SUGCT: variants seen among roughly 807,000 people sequenced by gnomAD.
The protein encoded by SUGCT is succinyl-CoA:glutarate CoA-transferase.
SUGCT carries 41 observed loss-of-function variants against 55.0 expected under a neutral mutation model. That is an observed-to-expected ratio of 0.74 (90% CI 0.58 to 0.97). The LOEUF is 0.97. Among genes scored for constraint, SUGCT ranks in the 50% least tolerant of loss-of-function variants. The pLI is 0.00. For missense variants in SUGCT, 568 were observed against 547.8 expected (o/e 1.04, Z -0.37); for synonymous variants, 187 against 200.4 (o/e 0.93, Z 0.56).
intron 1 of SUGCT, chr7:40,141,937 G>T (rs542841894): frequency 2.8e-4 from 78 of 279,070 alleles, no homozygotes; most frequent in South Asian, 2.7e-3. Context: ...TGGCCCCGCT[G>T]CTGTGTCATT....
chr7:40,260,090 A>G (rs1021173470), intron 7 of SUGCT, among the ~76,000 whole-genome samples: 4 of 152,118 alleles, frequency 2.6e-5, no homozygotes, highest in African/African-American at 7.2e-5. Flanking sequence ...CTGAATCTGA[A>G]TTTTTCTTGC....
At chr7:40,749,576 G>A (rs975074274) in intron 13 of SUGCT, 79 bp downstream of exon 13, 17 of 1,164,480 alleles carry the variant, frequency 1.5e-5, no homozygotes, top group Non-Finnish European at 2.2e-5. Context: ...GGTAGCTTAT[G>A]AGCTCCCAAA....
intron 6 of SUGCT, among the ~76,000 whole-genome samples, chr7:40,224,335 G>T (rs1168422333): frequency 1.3e-5 from 2 of 151,114 alleles, no homozygotes; most frequent in African/African-American, 4.9e-5. Flanking sequence ...AGTCTGTGTG[G>T]TTTATAATAG....
the SUGCT span, among the ~76,000 whole-genome samples, chr7:40,914,141 C>T: frequency 6.6e-6 from 1 of 151,596 alleles, no homozygotes; most frequent in Non-Finnish European, 1.5e-5. Context: ...GGGATTTTCC[C>T]CTTCCCCTCT....
At chr7:40,396,750 GA>G (rs746414231) in intron 9 of SUGCT, among the ~76,000 whole-genome samples, 1 of 152,152 alleles carries the variant, frequency 6.6e-6, no homozygotes, top group Non-Finnish European at 1.5e-5. Context: ...ACCTGTTGAA[GA>G]GAGTATTAAG....
chr7:40,196,590 T>G (rs1271568755), intron 6 of SUGCT, among the ~76,000 whole-genome samples: 1 of 152,092 alleles, frequency 6.6e-6, no homozygotes, highest in African/African-American at 2.4e-5. Context: ...TATGGTGACA[T>G]TTGAGTAGAG....
At chr7:40,911,144 A>G in the SUGCT span, among the ~76,000 whole-genome samples, 2 of 152,166 alleles carry the variant, frequency 1.3e-5, no homozygotes, top group Non-Finnish European at 1.5e-5. Flanking sequence ...GCCATGAGTG[A>G]CTTTCCTGAT....
At chr7:40,144,904 C>T (rs1788165574) in intron 1 of SUGCT, among the ~76,000 whole-genome samples, 1 of 152,118 alleles carries the variant, frequency 6.6e-6, no homozygotes, top group South Asian at 2.1e-4. Context: ...TAGTGATAAA[C>T]TTAATTTTAA....
chr7:40,375,718 A>ATTCTT (rs66691737), intron 9 of SUGCT, among the ~76,000 whole-genome samples: 3 of 151,944 alleles, frequency 2.0e-5, no homozygotes, highest in Non-Finnish European at 4.4e-5. Flanking sequence ...TCAATTTATA[A>ATTCTT]TTGTCTTAAA....
At chr7:40,169,011 A>G (rs1315447834) in intron 1 of SUGCT, among the ~76,000 whole-genome samples, 2 of 152,130 alleles carry the variant, frequency 1.3e-5, no homozygotes, top group African/African-American at 4.8e-5. Flanking sequence ...ACAGCCAATA[A>G]TAATCTCCTA....
intron 12 of SUGCT, among the ~76,000 whole-genome samples, chr7:40,547,205 G>A (rs906091766): frequency 6.6e-6 from 1 of 152,104 alleles, no homozygotes; most frequent in Admixed American, 6.5e-5. Flanking sequence ...CTCAAACAGC[G>A]AGGCAAGCAA....
chr7:40,552,417 G>A (rs1795346130), intron 12 of SUGCT, among the ~76,000 whole-genome samples: 1 of 152,026 alleles, frequency 6.6e-6, no homozygotes, highest in African/African-American at 2.4e-5. Context: ...TGCACTCTCT[G>A]AGCCTGGAGC....
At chr7:40,883,307 C>A in the SUGCT span, among the ~76,000 whole-genome samples, 1 of 152,172 alleles carries the variant, frequency 6.6e-6, no homozygotes, top group Non-Finnish European at 1.5e-5. Context: ...TTCTTTATTC[C>A]TACAGTCTAC....
At chr7:40,698,241 A>G (rs1323333963) in intron 12 of SUGCT, among the ~76,000 whole-genome samples, 1 of 152,212 alleles carries the variant, frequency 6.6e-6, no homozygotes, top group Non-Finnish European at 1.5e-5. Flanking sequence ...ATGCAGGTGA[A>G]TGTCTCAGGT....
chr7:40,556,344 T>C (rs2151650755), intron 12 of SUGCT, among the ~76,000 whole-genome samples: 1 of 151,854 alleles, frequency 6.6e-6, no homozygotes, highest in South Asian at 2.1e-4. Flanking sequence ...GCCCTGCTTC[T>C]TGCCTTGAGG....
chr7:40,222,373 G>A (rs1788066751), intron 6 of SUGCT, among the ~76,000 whole-genome samples: 1 of 152,212 alleles, frequency 6.6e-6, no homozygotes, highest in African/African-American at 2.4e-5. Context: ...CCTCTTCTCT[G>A]TGTTCTCCAG....
In SUGCT at chr7:40,299,587, T is replaced by C. The variant is rs576339548; in HGVS notation, c.721-17173T>C. Among the ~76,000 whole-genome samples the C allele has an allele frequency of 3.9e-5, 6 of 152,260 alleles. No homozygotes were observed. In the South Asian group the frequency reaches 1.2e-3, roughly 32 times the overall value. ...AGCCCCAGTGTAGCCAGGTTTGCAA[T>C]TTTTGAAGAAAACTGATTTTTTTAT... On this transcript the variant is annotated intron_variant, in intron 8 of 13. Coordinates refer to ENST00000335693, the MANE Select transcript of SUGCT (RefSeq NM_001193313.2).
chr7:40,468,192 A>G (rs995178413), intron 11 of SUGCT, among the ~76,000 whole-genome samples: 4 of 152,094 alleles, frequency 2.6e-5, no homozygotes, highest in African/African-American at 9.7e-5. Flanking sequence ...GCTTCAGCCC[A>G]TATCTTTAAG....
intron 12 of SUGCT, among the ~76,000 whole-genome samples, chr7:40,703,420 T>C (rs1785255461): frequency 6.6e-6 from 1 of 152,170 alleles, no homozygotes; most frequent in African/African-American, 2.4e-5. Flanking sequence ...CCCCACAGAA[T>C]GTGATTCTTG....
Sources: allele counts gnomAD v4.1 joint callset (sites outside exome capture counted in the v4.1 genomes callset), GRCh38; gene constraint gnomAD v4.1.1; transcripts MANE v1.5; gene names NCBI Gene and HGNC (gene_info 2026-07-23, HGNC 2026-07-21).